The following ATG2B variants were observed in gnomAD, a reference collection of about 807,000 sequenced individuals.
ATG2B encodes the protein autophagy related 2B, also known as autophagy-related protein 2 homolog B.
Under a neutral mutation model 241.3 loss-of-function variants are expected in ATG2B, and 121 were observed. The observed-to-expected ratio is 0.50, with a 90% confidence interval of 0.43 to 0.58. ATG2B has a LOEUF of 0.58. Ranked by LOEUF, ATG2B falls within the 20% of genes least tolerant of loss-of-function variation. The probability of loss-of-function intolerance (pLI) is 0.00; values close to 1 mark genes in which losing one functional copy is unlikely to be tolerated. For synonymous variants in ATG2B, 858 were observed against 876.6 expected (o/e 0.98, Z 0.37); for missense variants, 2,306 against 2,491.6 (o/e 0.93, Z 1.59).
chr14:96,363,129 T>G lies in ATG2B; in HGVS notation c.-153A>C. ...CCGGGAGTCCCTCAGGGAGACCCCATCGCCGGCGCCGCACCGCTCGCGCTG... is the reference window on the plus strand; with the variant it reads ...CCGGGAGTCCCTCAGGGAGACCCCAGCGCCGGCGCCGCACCGCTCGCGCTG... On this transcript the variant is annotated 5_prime_UTR_variant, in exon 1 of 42. It removes an upstream start codon present in the reference 5' UTR. Transcript: ENST00000359933. The G allele has an allele frequency of 1.2e-6, 1 of 805,484 alleles. No homozygotes were observed. The highest frequency in any genetic ancestry group is 1.8e-5 in the African/African-American group (1 of 57,130). 49.9% of individuals were successfully genotyped at this position (805,484 alleles called of 1,614,324 possible). A position where few individuals can be genotyped will look rare whatever the true frequency, so the allele number is the denominator to read the frequency against.
In ATG2B at chr14:96,334,506, A is replaced by AG. The variant is rs1339101306; in HGVS notation, c.925-6dup. The AG allele has an allele frequency of 6.4e-7, 1 of 1,552,056 alleles. No individual in the cohort carries two copies. Among genetic ancestry groups the AG allele is most frequent in the Non-Finnish European group, 8.8e-7 (1 of 1,139,032 alleles). On this transcript the variant is annotated splice_region_variant and splice_polypyrimidine_tract_variant and intron_variant, in intron 6 of 41. Coordinates refer to ENST00000359933, the MANE Select transcript of ATG2B (RefSeq NM_018036.7). ...TATCTGTCCATCAACATCCAACTTA[A>AG]GGGAAAAAAAAAAACTATTCATGAG...
chr14:96,333,280 G>A (rs1887786996), intron 8 of ATG2B, among the ~76,000 whole-genome samples: 1 of 151,990 alleles, frequency 6.6e-6, no homozygotes, highest in Non-Finnish European at 1.5e-5. Flanking sequence ...TATAACTGAT[G>A]GAAAGATCAA....
chr14:96,352,802 AG>A lies in ATG2B; in HGVS notation c.163-5462del, dbSNP rs201571428. Among the ~76,000 whole-genome samples the A allele has an allele frequency of 2.6e-3, 402 of 152,072 alleles. 7 individuals carry two copies. Among genetic ancestry groups the A allele is most frequent in the Admixed American group, 0.024 (370 of 15,270 alleles). On this transcript the variant is annotated intron_variant, in intron 1 of 41. Coordinates refer to ENST00000359933, the MANE Select transcript of ATG2B (RefSeq NM_018036.7). ...GGTTAACTTATTATTGAAAAAAAAA[AG>A]ATGTCTTTATTAATATAGTCTAGCC...
chr14:96,325,597 A>G, intron 15 of ATG2B, 52 bp downstream of exon 15: 21 of 1,514,014 alleles, frequency 1.4e-5, no homozygotes, highest in Non-Finnish European at 1.9e-5. Flanking sequence ...AAGTTTCAGT[A>G]GCAGTTGTTT....
Position 96,316,618 on chromosome 14 carries a change from T to A in ATG2B, c.3276A>T (p.Ser1092=). 6.2e-7 allele frequency: 1 copy of A among 1,613,242 alleles called. No homozygotes were observed. The highest frequency in any genetic ancestry group is 8.5e-7 in the Non-Finnish European group (1 of 1,179,560). Residue 1092 remains serine, a synonymous_variant, in exon 21 of 42, where the codon TCA becomes TCT. Transcript: ENST00000359933. ...CTTCATATTTTGTCACACAAAATAA[T>A]GAACCACTATTGAACTCTAACCAGA... is the stretch of plus-strand genomic sequence containing the variant. ...GEFWLEFNSG[S]LFCVTKYEGF... is the part of the protein sequence containing the mutation.
intron 5 of ATG2B, among the ~76,000 whole-genome samples, chr14:96,342,286 G>GT (rs1285960774): frequency 6.6e-6 from 1 of 152,054 alleles, no homozygotes; most frequent in Admixed American, 6.5e-5. Context: ...ACTTTTTTGA[G>GT]TGCCAACATG....
chr14:96,348,411 G>A (rs1244215145), intron 1 of ATG2B, among the ~76,000 whole-genome samples: 1 of 152,166 alleles, frequency 6.6e-6, no homozygotes, highest in Non-Finnish European at 1.5e-5. Flanking sequence ...GGCCAGGCAT[G>A]GTGGCTCACA....
chr14:96,309,724 T>C (rs1468371434), intron 28 of ATG2B, 130 bp from the exon 29 acceptor site: 11 of 857,696 alleles, frequency 1.3e-5, no homozygotes, highest in Non-Finnish European at 1.9e-5. Context: ...CTCATTTTTC[T>C]ATGCCCAGCA....
In ATG2B at chr14:96,300,828, T is replaced by C. The variant is rs538179278; in HGVS notation, c.5139+1179A>G. On this transcript the variant is annotated intron_variant, in intron 34 of 41. Transcript: ENST00000359933. Reference sequence around the variant, plus strand: ...CTAAGCTTCTGTACTTCACAGTACATTTTCTCTAAGACAGCGCCTATTTTT... The same window carrying C: ...CTAAGCTTCTGTACTTCACAGTACACTTTCTCTAAGACAGCGCCTATTTTT... 3.9e-3 allele frequency among the ~76,000 whole-genome samples: 592 copies of C among 152,370 alleles called. 1 individual carries two copies. The highest frequency in any genetic ancestry group is 5.8e-3 in the Non-Finnish European group (393 of 68,040).
chr14:96,316,423 A>G, intron 21 of ATG2B, 110 bp downstream of exon 21: 3 of 1,117,048 alleles, frequency 2.7e-6, no homozygotes, highest in Non-Finnish European at 3.9e-6. Context: ...AGAGCCCTCC[A>G]CAGAAAATAA....
intron 13 of ATG2B, 42 bp downstream of exon 13, chr14:96,328,632 A>G: frequency 1.3e-6 from 2 of 1,564,238 alleles, no homozygotes; most frequent in Non-Finnish European, 1.7e-6. Flanking sequence ...TATATATCAG[A>G]TTAAAATTTA....
intron 5 of ATG2B, among the ~76,000 whole-genome samples, chr14:96,342,162 C>A (rs551940862): frequency 6.5e-4 from 98 of 151,674 alleles, no homozygotes; most frequent in African/African-American, 2.3e-3. Flanking sequence ...GGTAAATTTG[C>A]ACACTGCTTA....
At chr14:96,355,829 T>C (rs1039885010) in intron 1 of ATG2B, among the ~76,000 whole-genome samples, 1 of 152,116 alleles carries the variant, frequency 6.6e-6, no homozygotes. Flanking sequence ...CTTTATTAGT[T>C]TAAACCAAGG....
At chr14:96,353,992 T>A (rs1247999879) in intron 1 of ATG2B, among the ~76,000 whole-genome samples, 1 of 152,176 alleles carries the variant, frequency 6.6e-6, no homozygotes, top group African/African-American at 2.4e-5. Flanking sequence ...AATATCAATA[T>A]TTAAACAAGT....
At chr14:96,358,411 G>A (rs942337034) in intron 1 of ATG2B, among the ~76,000 whole-genome samples, 8 of 151,956 alleles carry the variant, frequency 5.3e-5, no homozygotes, top group African/African-American at 1.9e-4. Flanking sequence ...CTCCAGCCTA[G>A]GTAACAGAGA....
At chr14:96,352,341 C>T (rs529773708) in intron 1 of ATG2B, among the ~76,000 whole-genome samples, 3 of 152,030 alleles carry the variant, frequency 2.0e-5, no homozygotes, top group South Asian at 4.1e-4. Flanking sequence ...AATACCTATA[C>T]TATACAATTT....
Position 96,331,610 on chromosome 14 carries a change from T to C in ATG2B, c.1496A>G (p.Asp499Gly), listed in dbSNP as rs1420364172. 6 of 1,613,032 alleles carry C rather than the reference T, an allele frequency of 3.7e-6. No homozygotes were observed. Among genetic ancestry groups the C allele is most frequent in the Admixed American group, 1.7e-5 (1 of 59,868 alleles). The change falls in exon 11 of 42, where the codon GAT (aspartate) becomes GGT (glycine). Residue 499 changes from aspartate to glycine, a missense_variant. Asp to Gly is a moderately conservative substitution (Grantham distance 94). Around this residue, in one of 2 missense-constraint regions of ATG2B, gnomAD observed 1,927 missense variants for 2,011.2 expected, o/e 0.96. Coordinates refer to ENST00000359933, the MANE Select transcript of ATG2B (RefSeq NM_018036.7). ...TSLPSRSVSV[D>G]ESRPELIFRL... ...AAAAATAAGTTCAGGCCTTGATTCATCCACTGAAACAGATCTAGATGGGAG... is the reference window on the plus strand; with the variant it reads ...AAAAATAAGTTCAGGCCTTGATTCACCCACTGAAACAGATCTAGATGGGAG...
chr14:96,328,829 T>C (rs573575223), intron 12 of ATG2B, 63 bp from the exon 13 acceptor site: 7 of 1,262,218 alleles, frequency 5.5e-6, no homozygotes, highest in East Asian at 4.7e-5. Context: ...GAGGTGCCCA[T>C]ACAATAATGA....
intron 1 of ATG2B, among the ~76,000 whole-genome samples, chr14:96,358,063 C>T (rs755176242): frequency 5.3e-5 from 8 of 152,176 alleles, no homozygotes; most frequent in Non-Finnish European, 8.8e-5. Flanking sequence ...ACCAAGTTTT[C>T]GTCCCAATTT....
Sources: gnomAD v4.1 joint callset for allele counts (sites outside exome capture counted in the v4.1 genomes callset) on GRCh38, gnomAD v4.1.1 for gene constraint, gnomAD v4.1.1 regional missense constraint, MANE v1.5 for transcripts, NCBI Gene and HGNC (gene_info 2026-07-23, HGNC 2026-07-21) for gene names.